The following PDE8B variants were observed in gnomAD, a reference collection of about 807,000 sequenced individuals.
PDE8B encodes the protein high affinity cAMP-specific and IBMX-insensitive 3',5'-cyclic phosphodiesterase 8B.
PDE8B carries 26 observed loss-of-function variants against 101.3 expected under a neutral mutation model. That is an observed-to-expected ratio of 0.26 (90% CI 0.19 to 0.36). PDE8B has a LOEUF of 0.36. PDE8B is among the 10% of genes least tolerant of loss of function. The probability of loss-of-function intolerance (pLI) is 1.00; values close to 1 mark genes in which losing one functional copy is unlikely to be tolerated. For synonymous variants in PDE8B, 424 were observed against 429.3 expected (o/e 0.99, Z 0.15); for missense variants, 810 against 1,163.1 (o/e 0.70, Z 4.42).
chr5:77,109,234 CA>C, the PDE8B span, among the ~76,000 whole-genome samples: 4 of 152,336 alleles, frequency 2.6e-5, no homozygotes, highest in African/African-American at 9.6e-5. Context: ...TTGAATGAGA[CA>C]ATCTTTATTT....
At chr5:77,316,692 T>G (rs1484348377) in intron 2 of PDE8B, among the ~76,000 whole-genome samples, 1 of 152,214 alleles carries the variant, frequency 6.6e-6, no homozygotes, top group African/African-American at 2.4e-5. Flanking sequence ...GTCTATAAAT[T>G]TGAATGTATT....
chr5:77,232,001 C>G (rs2149490095), intron 1 of PDE8B, among the ~76,000 whole-genome samples: 1 of 152,330 alleles, frequency 6.6e-6, no homozygotes, highest in Middle Eastern at 3.4e-3. Context: ...ATCAGCCTTT[C>G]AAGACACAGA....
chr5:77,110,547 G>C, the PDE8B span, among the ~76,000 whole-genome samples: 1 of 152,174 alleles, frequency 6.6e-6, no homozygotes, highest in African/African-American at 2.4e-5. Flanking sequence ...TGGGTAATCT[G>C]CATCCCCAAT....
chr5:77,156,989 C>T, the PDE8B span, among the ~76,000 whole-genome samples: 1 of 152,158 alleles, frequency 6.6e-6, no homozygotes, highest in Non-Finnish European at 1.5e-5. Flanking sequence ...TATGGTCTCT[C>T]CCATGAGTCC....
At chr5:77,345,094 T>C (rs1779910645) in intron 7 of PDE8B, among the ~76,000 whole-genome samples, 163 bp downstream of exon 7, 1 of 152,190 alleles carries the variant, frequency 6.6e-6, no homozygotes, top group Non-Finnish European at 1.5e-5. Context: ...ACTTAAGAAT[T>C]AGATATTCAA....
At chr5:77,413,860 C>T (rs549427001) in intron 17 of PDE8B, among the ~76,000 whole-genome samples, 1 of 152,082 alleles carries the variant, frequency 6.6e-6, no homozygotes, top group African/African-American at 2.4e-5. Context: ...TGTCATGTAC[C>T]ACTGCTGATT....
chr5:77,156,764 G>A, the PDE8B span, among the ~76,000 whole-genome samples: 4 of 152,162 alleles, frequency 2.6e-5, no homozygotes, highest in African/African-American at 7.2e-5. Context: ...CTCTTCCTCT[G>A]TTCACCCACT....
chr5:77,418,547 C>T, intron 18 of PDE8B, 101 bp downstream of exon 18: 1 of 818,666 alleles, frequency 1.2e-6, no homozygotes, highest in Admixed American at 2.0e-5. Context: ...ATTAGCTGTC[C>T]CACTGTACCA....
the PDE8B span, chr5:77,119,322 G>A: frequency 6.6e-6 from 1 of 152,074 alleles, no homozygotes; most frequent in Non-Finnish European, 1.5e-5. Flanking sequence ...CTAGATATTT[G>A]CCCAGCAGAA....
At chr5:77,368,980 A>G (rs1339054550) in intron 10 of PDE8B, among the ~76,000 whole-genome samples, 1 of 152,150 alleles carries the variant, frequency 6.6e-6, no homozygotes, top group Non-Finnish European at 1.5e-5. Flanking sequence ...AAGCAGGTGG[A>G]TCACCTGAGG....
intron 1 of PDE8B, among the ~76,000 whole-genome samples, chr5:77,221,135 A>T (rs1164207304): frequency 3.3e-5 from 5 of 152,222 alleles, no homozygotes; most frequent in Non-Finnish European, 7.3e-5. Context: ...AAATATGACA[A>T]CTTAATATCA....
chr5:77,238,587 G>C (rs988912543), intron 1 of PDE8B, among the ~76,000 whole-genome samples: 4 of 152,176 alleles, frequency 2.6e-5, no homozygotes, highest in African/African-American at 9.7e-5. Flanking sequence ...GCTCTTCATA[G>C]AAACAGAACC....
At chr5:77,393,530 A>G (rs1790395023) in intron 10 of PDE8B, among the ~76,000 whole-genome samples, 1 of 152,198 alleles carries the variant, frequency 6.6e-6, no homozygotes, top group African/African-American at 2.4e-5. Flanking sequence ...GAAAAATAAA[A>G]AATAAAAAAA....
At chr5:77,422,801 G>A (rs6860674) in intron 20 of PDE8B, among the ~76,000 whole-genome samples, 23,684 of 152,016 alleles carry the variant, frequency 0.16, 2,660 homozygotes, top group East Asian at 0.38. Context: ...TGTGGAGGCA[G>A]GATAAATAAG....
intron 10 of PDE8B, among the ~76,000 whole-genome samples, chr5:77,384,489 G>T (rs1315692427): frequency 6.6e-6 from 1 of 152,122 alleles, no homozygotes; most frequent in Non-Finnish European, 1.5e-5. Flanking sequence ...GATTGCCCTT[G>T]CCAGAACTTC....
At chr5:77,276,352 C>T (rs557947593) in intron 1 of PDE8B, among the ~76,000 whole-genome samples, 1 of 152,204 alleles carries the variant, frequency 6.6e-6, no homozygotes, top group African/African-American at 2.4e-5. Context: ...AAGGCCTCTA[C>T]CTCAGAGACC....
At chr5:77,367,958 A>G (rs192740821) in intron 10 of PDE8B, among the ~76,000 whole-genome samples, 96 of 152,344 alleles carry the variant, frequency 6.3e-4, no homozygotes, top group Non-Finnish European at 1.0e-3. Flanking sequence ...TCCCCTGGCC[A>G]TCTCTCTGGC....
At chr5:77,313,536 G>T (rs1360309555) in intron 2 of PDE8B, among the ~76,000 whole-genome samples, 1 of 152,154 alleles carries the variant, frequency 6.6e-6, no homozygotes, top group African/African-American at 2.4e-5. Context: ...TACTTTTTGG[G>T]ATTAGTGTGG....
the PDE8B span, among the ~76,000 whole-genome samples, chr5:77,168,355 C>T: frequency 1.3e-5 from 2 of 152,316 alleles, no homozygotes; most frequent in South Asian, 4.1e-4. Flanking sequence ...CAGGGAGCAG[C>T]GAGGCTGCAC....
Sources: allele counts gnomAD v4.1 joint callset (sites outside exome capture counted in the v4.1 genomes callset), GRCh38; gene constraint gnomAD v4.1.1; transcripts MANE v1.5; gene names NCBI Gene and HGNC (gene_info 2026-07-23, HGNC 2026-07-21).